The following RAB27A variants were observed in gnomAD, a reference collection of about 807,000 sequenced individuals.
The protein encoded by RAB27A is ras-related protein Rab-27A.
In RAB27A, 17 loss-of-function variants were observed where a neutral mutation model predicts 20.8. The observed-to-expected ratio is 0.82, with a 90% CI of 0.56 to 1.23. The LOEUF is 1.23. Ranked by LOEUF, RAB27A falls within the 50% of genes most tolerant of loss-of-function variation. The pLI, the probability that RAB27A is intolerant of heterozygous loss-of-function variation, is 0.00. For missense variants in RAB27A, 277 were observed against 266.7 expected (o/e 1.04, Z -0.27); for synonymous variants, 85 against 92.8 (o/e 0.92, Z 0.48).
At chr15:55,221,680 A>G (rs538874877) in intron 6 of RAB27A, among the ~76,000 whole-genome samples, 1 of 152,286 alleles carries the variant, frequency 6.6e-6, no homozygotes, top group East Asian at 1.9e-4. Flanking sequence ...GGGCCACAAA[A>G]GAGATTTGGG....
intron 2 of RAB27A, among the ~76,000 whole-genome samples, chr15:55,237,796 A>G (rs1261190028): frequency 6.6e-6 from 1 of 151,656 alleles, no homozygotes; most frequent in African/African-American, 2.4e-5. Flanking sequence ...CTTATTTCCT[A>G]TTTATTTTTA....
intron 2 of RAB27A, among the ~76,000 whole-genome samples, chr15:55,267,616 A>G (rs1247791730): frequency 7.9e-5 from 12 of 152,310 alleles, no homozygotes; most frequent in Non-Finnish European, 7.4e-5. Context: ...TGGGCTTCAC[A>G]TGACTCATCA....
chr15:55,213,065 C>G (rs1187241003), intron 6 of RAB27A, among the ~76,000 whole-genome samples: 1 of 152,168 alleles, frequency 6.6e-6, no homozygotes, highest in Non-Finnish European at 1.5e-5. Context: ...GTCGTGATAA[C>G]ATTGTATTTC....
intron 5 of RAB27A, among the ~76,000 whole-genome samples, chr15:55,227,743 T>C (rs999293817): frequency 6.6e-6 from 1 of 152,182 alleles, no homozygotes; most frequent in African/African-American, 2.4e-5. Flanking sequence ...CACTAAATTA[T>C]TTTTAAACTC....
At chr15:55,230,940 A>G (rs1896008676) in intron 3 of RAB27A, among the ~76,000 whole-genome samples, 1 of 152,112 alleles carries the variant, frequency 6.6e-6, no homozygotes, top group African/African-American at 2.4e-5. Context: ...TGTAGTACCC[A>G]ATAAGTAGTT....
upstream of RAB27A, among the ~76,000 whole-genome samples, chr15:55,291,997 G>A (rs1214913155): frequency 6.6e-6 from 1 of 152,176 alleles, no homozygotes; most frequent in African/African-American, 2.4e-5. Context: ...AGGGGCAAGG[G>A]AGAAGAGAAT....
In RAB27A at chr15:55,203,197, G is replaced by C. The variant is rs777699449; in HGVS notation, c.*2310C>G. 5.9e-5 allele frequency: 9 copies of C among 152,070 alleles called. No homozygotes were observed. Among genetic ancestry groups the C allele is most frequent in the Non-Finnish European group, 1.3e-4 (9 of 68,022 alleles). 9.4% of individuals were successfully genotyped at this position (152,070 alleles called of 1,614,324 possible). The stretch of plus-strand genomic sequence containing the variant: ...TGTATACACTTAATTGTATGTTTAA[G>C]GCCAGTGGAATCTATAGCTAATTAC... On this transcript the variant is annotated 3_prime_UTR_variant, in exon 7 of 7. Coordinates refer to ENST00000336787, the MANE Select transcript of RAB27A (RefSeq NM_183235.3).
chr15:55,298,979 A>G (rs759841462), intron 2 of RAB27A, among the ~76,000 whole-genome samples: 1 of 152,192 alleles, frequency 6.6e-6, no homozygotes, highest in Non-Finnish European at 1.5e-5. Context: ...CCCAGATTTC[A>G]TATTGTTCAA....
chr15:55,224,182 G>T (rs1049798618), intron 5 of RAB27A, among the ~76,000 whole-genome samples, 170 bp from the exon 6 acceptor site: 5 of 152,130 alleles, frequency 3.3e-5, no homozygotes, highest in African/African-American at 1.2e-4. Flanking sequence ...GAATAGTTGG[G>T]GCAGAAATAT....
chr15:55,279,892 T>C (rs1897969730), intron 1 of RAB27A, among the ~76,000 whole-genome samples: 1 of 152,140 alleles, frequency 6.6e-6, no homozygotes, highest in Non-Finnish European at 1.5e-5. Context: ...GATTGAGTCA[T>C]GAAATGTACT....
At chr15:55,231,773 CCTCA>C (rs1040178636) in intron 3 of RAB27A, among the ~76,000 whole-genome samples, 15 of 152,148 alleles carry the variant, frequency 9.9e-5, no homozygotes, top group African/African-American at 3.1e-4. Flanking sequence ...CTTTCTTTGA[CCTCA>C]CTCAAAGCTT....
upstream of RAB27A, among the ~76,000 whole-genome samples, chr15:55,291,216 TAA>T (rs1393784111): frequency 6.6e-6 from 1 of 151,998 alleles, no homozygotes; most frequent in African/African-American, 2.4e-5. Flanking sequence ...TTGGTGAGGT[TAA>T]GAGAGAAAAA....
chr15:55,254,980 G>A (rs911722126), intron 2 of RAB27A, among the ~76,000 whole-genome samples: 2 of 152,176 alleles, frequency 1.3e-5, no homozygotes, highest in Non-Finnish European at 2.9e-5. Flanking sequence ...ACAAAAATAC[G>A]TTAAAGGAGG....
At chr15:55,236,977 T>C (rs1164433610) in intron 2 of RAB27A, among the ~76,000 whole-genome samples, 1 of 152,166 alleles carries the variant, frequency 6.6e-6, no homozygotes, top group Non-Finnish European at 1.5e-5. Flanking sequence ...TTGTACACAT[T>C]AACCAACCTC....
rs1894543765 is a variant in RAB27A at position 55,204,381 on chromosome 15, C to T, written c.*1126G>A. The T allele has an allele frequency of 6.6e-6, 1 of 152,162 alleles. No individual in the cohort carries two copies. Among genetic ancestry groups the T allele is most frequent in the African/African-American group, 2.4e-5 (1 of 41,442 alleles). 9.4% of individuals were successfully genotyped at this position (152,162 alleles called of 1,614,324 possible). ...TATGAAAAATATAGGCTACAGAATA[C>T]TTCATTTTTCTTTTATTGAACTACA... On this transcript the variant is annotated 3_prime_UTR_variant, in exon 7 of 7. Coordinates refer to ENST00000336787, the MANE Select transcript of RAB27A (RefSeq NM_183235.3).
chr15:55,274,822 A>ATATATG (rs1555399473), intron 1 of RAB27A, among the ~76,000 whole-genome samples: 1 of 139,026 alleles, frequency 7.2e-6, no homozygotes, highest in African/African-American at 2.6e-5. Flanking sequence ...ATATATATAT[A>ATATATG]TATGTATAGA....
intron 6 of RAB27A, among the ~76,000 whole-genome samples, chr15:55,221,517 T>TC (rs1895569030): frequency 6.6e-6 from 1 of 152,080 alleles, no homozygotes; most frequent in South Asian, 2.1e-4. Context: ...TCTGTCAGCC[T>TC]CCCCCTCAGA....
chr15:55,309,226 C>A (rs1232355682), intron 2 of RAB27A, among the ~76,000 whole-genome samples: 1 of 152,198 alleles, frequency 6.6e-6, no homozygotes, highest in African/African-American at 2.4e-5. Flanking sequence ...TGCCAAGGAA[C>A]CCTCTTAGTT....
At chr15:55,207,185 C>T (rs1894693159) in intron 6 of RAB27A, among the ~76,000 whole-genome samples, 1 of 150,096 alleles carries the variant, frequency 6.7e-6, no homozygotes, top group Non-Finnish European at 1.5e-5. Context: ...CTTGCACTTA[C>T]TGCTTATGTA....
Sources: gnomAD v4.1 joint callset for allele counts (sites outside exome capture counted in the v4.1 genomes callset) on GRCh38, gnomAD v4.1.1 for gene constraint, MANE v1.5 for transcripts, NCBI Gene and HGNC (gene_info 2026-07-23, HGNC 2026-07-21) for gene names.